DPH5: variants seen among roughly 807,000 people sequenced by gnomAD.
DPH5 encodes diphthine methyl ester synthase.
In DPH5, 31 loss-of-function variants were observed where a neutral mutation model predicts 31.6. The ratio of observed to expected loss-of-function variants is 0.98; its 90% CI spans 0.74 to 1.32. The LOEUF is 1.32. Ranked by LOEUF, DPH5 falls within the 40% of genes most tolerant of loss-of-function variation. The pLI, the probability that DPH5 is intolerant of heterozygous loss-of-function variation, is 0.00. For missense variants in DPH5, 309 were observed against 335.7 expected (o/e 0.92, Z 0.62); for synonymous variants, 120 against 115.0 (o/e 1.04, Z -0.28).
At chr1:101,003,212 T>G (rs528512130) in intron 4 of DPH5, among the ~76,000 whole-genome samples, 1 of 152,260 alleles carries the variant, frequency 6.6e-6, no homozygotes, top group South Asian at 2.1e-4. Context: ...CCTGTGACAA[T>G]GTATTTCTAG....
At chr1:101,025,532 C>T (rs981709688) in intron 1 of DPH5, 66 bp from the exon 2 acceptor site, 23 of 1,511,808 alleles carry the variant, frequency 1.5e-5, no homozygotes, top group African/African-American at 2.8e-5. Flanking sequence ...TAGTGATGAA[C>T]ACGATGACAA....
At chr1:101,011,131 G>T (rs759454431) in intron 4 of DPH5, among the ~76,000 whole-genome samples, 9 of 152,146 alleles carry the variant, frequency 5.9e-5, no homozygotes, top group Non-Finnish European at 1.2e-4. Flanking sequence ...GCTATTATAA[G>T]GAAGAAGACT....
intron 3 of DPH5, among the ~76,000 whole-genome samples, chr1:101,015,154 G>C (rs374095994): frequency 1.3e-5 from 2 of 152,170 alleles, no homozygotes; most frequent in East Asian, 3.8e-4. Flanking sequence ...ATCCTTTCCA[G>C]AAGGTTTTCA....
chr1:100,993,887 C>A (rs951698639), intron 6 of DPH5, among the ~76,000 whole-genome samples: 1 of 151,444 alleles, frequency 6.6e-6, no homozygotes, highest in Non-Finnish European at 1.5e-5. Flanking sequence ...ATTACAGGTG[C>A]CTGCCACCAT....
rs1008655279 is a variant in DPH5 at position 100,999,474 on chromosome 1, T to A, written c.490+1993A>T. Among the ~76,000 whole-genome samples the A allele has an allele frequency of 7.9e-5, 12 of 152,020 alleles. No homozygotes were observed. In the South Asian group the frequency reaches 1.9e-3, roughly 24 times the overall value. ...CTTAAACAAACAAACAAACAAAAAA[T>A]TTATTTTGTTGCTTAAAATTAAATA... On this transcript the variant is annotated intron_variant, in intron 5 of 7. Coordinates refer to ENST00000370109, the MANE Select transcript of DPH5 (RefSeq NM_015958.3).
chr1:101,000,195 CTG>C (rs1658748695), intron 5 of DPH5, among the ~76,000 whole-genome samples: 1 of 151,502 alleles, frequency 6.6e-6, no homozygotes, highest in African/African-American at 2.4e-5. Context: ...TTCTGAATAT[CTG>C]TATTTAATAT....
chr1:101,022,470 A>C (rs1660527112), intron 2 of DPH5, among the ~76,000 whole-genome samples: 1 of 152,238 alleles, frequency 6.6e-6, no homozygotes, highest in Non-Finnish European at 1.5e-5. Flanking sequence ...GTGAGCTAGT[A>C]AGCTAGTAGT....
intron 4 of DPH5, among the ~76,000 whole-genome samples, chr1:101,007,816 C>T (rs1470907449): frequency 1.3e-5 from 2 of 150,700 alleles, no homozygotes; most frequent in Non-Finnish European, 2.9e-5. Context: ...AGAAAAATCT[C>T]GGATTTATTA....
chr1:100,990,348 C>G lies in DPH5; in HGVS notation c.*60G>C. On this transcript the variant is annotated 3_prime_UTR_variant, in exon 8 of 8. Transcript: ENST00000370109. Reference sequence around the variant, plus strand: ...GATGAGACTTGGGTGGGGATACATCCAAACCATATCAATCCATATATGGCT... The same window carrying G: ...GATGAGACTTGGGTGGGGATACATCGAAACCATATCAATCCATATATGGCT... 1 of 1,506,576 alleles carries G rather than the reference C, an allele frequency of 6.6e-7. No homozygotes were observed. Among genetic ancestry groups the G allele is most frequent in the Non-Finnish European group, 9.2e-7 (1 of 1,088,244 alleles). The allele number at this position is 1,506,576 out of a possible 1,614,324, so 93.3% of individuals were successfully genotyped here. A position where few individuals can be genotyped will look rare whatever the true frequency, so the allele number is the denominator to read the frequency against.
Position 100,992,674 on chromosome 1 carries a change from C to T in DPH5, c.597G>A (p.Glu199=), listed in dbSNP as rs774261110. 6.2e-7 allele frequency: 1 copy of T among 1,613,934 alleles called. No homozygotes were observed. The highest frequency in any genetic ancestry group is 1.1e-5 in the South Asian group (1 of 91,070). ...SVNQAAQQLL[E]IVQNQRIRGE... is the part of the protein sequence containing the mutation. ...CTCGTATTCTTTGATTTTGAACAAT[C>T]TCCAGAAGCTGCTGGGCTGCTTGGT... The change falls in exon 7 of 8, where the codon GAG becomes GAA. Residue 199 remains glutamate (E), a synonymous_variant. Coordinates refer to ENST00000370109, the MANE Select transcript of DPH5 (RefSeq NM_015958.3).
intron 3 of DPH5, among the ~76,000 whole-genome samples, chr1:101,015,365 T>C (rs1660002837): frequency 6.6e-6 from 1 of 152,250 alleles, no homozygotes; most frequent in African/African-American, 2.4e-5. Flanking sequence ...ACCAAGTGCA[T>C]TGTCAATGGC....
intron 5 of DPH5, chr1:100,995,513 A>G (rs1428294274): frequency 6.2e-6 from 1 of 160,736 alleles, no homozygotes; most frequent in Non-Finnish European, 1.4e-5. Flanking sequence ...CCTTTGATAG[A>G]TGTAATGTAA....
intron 5 of DPH5, among the ~76,000 whole-genome samples, chr1:101,000,741 G>A (rs1240991057): frequency 6.6e-6 from 1 of 152,172 alleles, no homozygotes; most frequent in Non-Finnish European, 1.5e-5. Flanking sequence ...TATGCTACTA[G>A]AATAGGGGCT....
chr1:101,020,982 C>G (rs1454956327), intron 3 of DPH5, among the ~76,000 whole-genome samples: 1 of 152,148 alleles, frequency 6.6e-6, no homozygotes, highest in Non-Finnish European at 1.5e-5. Flanking sequence ...CCTCCAAGGT[C>G]TTACATGGTC....
At chr1:101,024,959 A>G in intron 2 of DPH5, 1 of 209,898 alleles carries the variant, frequency 4.8e-6, no homozygotes, top group Non-Finnish European at 9.6e-6. Context: ...CCAACTCATT[A>G]AGGCTGTGTC....
intron 4 of DPH5, among the ~76,000 whole-genome samples, chr1:101,008,053 A>G (rs1659366108): frequency 6.6e-6 from 1 of 152,268 alleles, no homozygotes; most frequent in East Asian, 1.9e-4. Flanking sequence ...AATTTATTGA[A>G]TGAAAATTTG....
intron 4 of DPH5, among the ~76,000 whole-genome samples, chr1:101,005,684 G>A (rs764220097): frequency 5.3e-5 from 8 of 152,034 alleles, no homozygotes; most frequent in Non-Finnish European, 1.0e-4. Flanking sequence ...AGGGGGTTGG[G>A]GGAAAAAATA....
At chr1:101,021,908 C>T (rs1047859672) in intron 2 of DPH5, 143 bp from the exon 3 acceptor site, 22 of 701,276 alleles carry the variant, frequency 3.1e-5, no homozygotes, top group East Asian at 1.7e-4. Context: ...AAATGCAGAT[C>T]ATTCAATACA....
intron 4 of DPH5, among the ~76,000 whole-genome samples, chr1:101,006,539 A>G (rs1223227769): frequency 6.6e-6 from 1 of 152,278 alleles, no homozygotes; most frequent in Non-Finnish European, 1.5e-5. Context: ...AGACCACGGA[A>G]GGATATAGAA....
Sources: allele counts gnomAD v4.1 joint callset (sites outside exome capture counted in the v4.1 genomes callset), GRCh38; gene constraint gnomAD v4.1.1; transcripts MANE v1.5; gene names NCBI Gene and HGNC (gene_info 2026-07-23, HGNC 2026-07-21).